Variants in GABBR2 observed in about 807,000 individuals in gnomAD.
GABBR2 encodes G-protein coupled receptor 51.
Under a neutral mutation model 105.6 loss-of-function variants are expected in GABBR2, and 23 were observed. The ratio of observed to expected loss-of-function variants is 0.22; its 90% CI spans 0.16 to 0.31. GABBR2 has a LOEUF of 0.31. Ranked by LOEUF, GABBR2 falls within the 10% of genes least tolerant of loss-of-function variation. The probability of loss-of-function intolerance (pLI) is 1.00; values close to 1 mark genes in which losing one functional copy is unlikely to be tolerated. For synonymous variants in GABBR2, 478 were observed against 499.7 expected (o/e 0.96, Z 0.58); for missense variants, 734 against 1,245.5 (o/e 0.59, Z 6.18).
intron 13 of GABBR2, among the ~76,000 whole-genome samples, chr9:98,355,017 T>TA (rs1438464913): frequency 2.0e-5 from 3 of 152,176 alleles, no homozygotes; most frequent in African/African-American, 4.8e-5. Context: ...CTTGAACACT[T>TA]AGAGACAACT....
chr9:98,550,785 T>C (rs1452817706), intron 2 of GABBR2, among the ~76,000 whole-genome samples: 1 of 152,216 alleles, frequency 6.6e-6, no homozygotes, highest in Admixed American at 6.5e-5. Flanking sequence ...TTGTGGACTC[T>C]GAAGCTTTAC....
At chr9:98,420,365 C>G (rs1832761482) in intron 7 of GABBR2, among the ~76,000 whole-genome samples, 2 of 152,190 alleles carry the variant, frequency 1.3e-5, no homozygotes. Context: ...CCGCCAGAGC[C>G]CCAGTGGCTG....
intron 1 of GABBR2, among the ~76,000 whole-genome samples, chr9:98,689,721 T>C (rs754479155): frequency 1.3e-5 from 2 of 152,266 alleles, no homozygotes; most frequent in Admixed American, 6.5e-5. Flanking sequence ...GGCACGGTTA[T>C]GTTCTTCCTA....
chr9:98,438,074 G>A (rs1298660928), intron 7 of GABBR2, among the ~76,000 whole-genome samples: 2 of 128,928 alleles, frequency 1.6e-5, no homozygotes, highest in Non-Finnish European at 3.3e-5. Context: ...CCATCCACCT[G>A]TCCACACATC....
At chr9:98,501,055 C>T (rs1330934946) in intron 3 of GABBR2, among the ~76,000 whole-genome samples, 3 of 151,776 alleles carry the variant, frequency 2.0e-5, no homozygotes, top group African/African-American at 2.4e-5. Flanking sequence ...ATTTTCCCCT[C>T]GGTTAGGAGA....
At chr9:98,413,983 A>G (rs1832638620) in intron 7 of GABBR2, among the ~76,000 whole-genome samples, 1 of 152,268 alleles carries the variant, frequency 6.6e-6, no homozygotes, top group Non-Finnish European at 1.5e-5. Context: ...ATATTAGGAT[A>G]CGTGCATTCA....
At chr9:98,394,429 G>C (rs1318796809) in intron 8 of GABBR2, among the ~76,000 whole-genome samples, 174 bp from the exon 9 acceptor site, 1 of 152,172 alleles carries the variant, frequency 6.6e-6, no homozygotes, top group Non-Finnish European at 1.5e-5. Context: ...ATCTAGGCTG[G>C]AACATTCTCT....
intron 13 of GABBR2, among the ~76,000 whole-genome samples, chr9:98,313,318 AC>A (rs1488894144): frequency 6.6e-6 from 1 of 152,128 alleles, no homozygotes; most frequent in Admixed American, 6.6e-5. Context: ...GTGTTTAGAA[AC>A]CAAGATGTAG....
intron 7 of GABBR2, among the ~76,000 whole-genome samples, chr9:98,425,387 C>G (rs1419782423): frequency 6.6e-6 from 1 of 152,172 alleles, no homozygotes; most frequent in African/African-American, 2.4e-5. Context: ...GCAGGGGAAA[C>G]CAACCAGAGT....
At chr9:98,630,156 G>A (rs754204515) in intron 1 of GABBR2, among the ~76,000 whole-genome samples, 12 of 152,030 alleles carry the variant, frequency 7.9e-5, no homozygotes, top group Non-Finnish European at 1.8e-4. Flanking sequence ...GACAGCCAAG[G>A]GTATCCAGAT....
chr9:98,342,799 G>A (rs907476506), intron 13 of GABBR2, among the ~76,000 whole-genome samples: 1 of 152,206 alleles, frequency 6.6e-6, no homozygotes, highest in Non-Finnish European at 1.5e-5. Flanking sequence ...CTACTGGGTA[G>A]GGCAGACCCT....
intron 1 of GABBR2, among the ~76,000 whole-genome samples, chr9:98,589,462 G>A (rs1041641058): frequency 2.6e-5 from 4 of 152,224 alleles, no homozygotes; most frequent in East Asian, 1.9e-4. Context: ...CAGAGAGGCC[G>A]CATCATCTAA....
At chr9:98,387,734 C>T (rs889359532) in intron 10 of GABBR2, among the ~76,000 whole-genome samples, 10 of 151,802 alleles carry the variant, frequency 6.6e-5, no homozygotes, top group Admixed American at 2.6e-4. Context: ...TGAGAAAAGC[C>T]TAGGCAGCAT....
chr9:98,597,748 G>A (rs1829258961), intron 1 of GABBR2, among the ~76,000 whole-genome samples: 2 of 152,328 alleles, frequency 1.3e-5, no homozygotes, highest in Admixed American at 6.5e-5. Context: ...AAATGCTGGG[G>A]AGGGGAAGGG....
At chr9:98,657,806 T>C (rs1830203294) in intron 1 of GABBR2, among the ~76,000 whole-genome samples, 1 of 152,288 alleles carries the variant, frequency 6.6e-6, no homozygotes, top group Non-Finnish European at 1.5e-5. Context: ...TCACAAGATC[T>C]GATGGGTTTT....
intron 1 of GABBR2, among the ~76,000 whole-genome samples, chr9:98,608,998 C>T (rs1180732868): frequency 6.6e-6 from 1 of 152,172 alleles, no homozygotes; most frequent in Non-Finnish European, 1.5e-5. Flanking sequence ...TATGCAGTCT[C>T]TTAATTTTAC....
chr9:98,421,116 AG>A (rs747688469), intron 7 of GABBR2, among the ~76,000 whole-genome samples: 27 of 152,230 alleles, frequency 1.8e-4, no homozygotes, highest in Non-Finnish European at 3.5e-4. Flanking sequence ...GTGAACTCGC[AG>A]GGGTATTGTG....
intron 1 of GABBR2, among the ~76,000 whole-genome samples, chr9:98,697,848 G>A (rs1830776015): frequency 6.6e-6 from 1 of 152,178 alleles, no homozygotes; most frequent in Admixed American, 6.5e-5. Context: ...AGCTGGACTG[G>A]GCGGGGGCAT....
chr9:98,539,164 C>T (rs745737496), intron 3 of GABBR2, among the ~76,000 whole-genome samples: 16 of 152,204 alleles, frequency 1.1e-4, no homozygotes, highest in Non-Finnish European at 2.2e-4. Flanking sequence ...TACCAGCATG[C>T]GCCCTGGGGC....
Sources: gnomAD v4.1 joint callset for allele counts (sites outside exome capture counted in the v4.1 genomes callset) on GRCh38, gnomAD v4.1.1 for gene constraint, MANE v1.5 for transcripts, NCBI Gene and HGNC (gene_info 2026-07-23, HGNC 2026-07-21) for gene names.